The following RNF123 variants were observed in gnomAD, a reference collection of about 807,000 sequenced individuals.
RNF123 encodes E3 ubiquitin-protein ligase RNF123.
In RNF123, 86 loss-of-function variants were observed where a neutral mutation model predicts 168.5. The observed-to-expected ratio is 0.51, with a 90% CI of 0.43 to 0.61. The LOEUF (loss-of-function observed/expected upper bound fraction) is 0.61. Among genes scored for constraint, RNF123 ranks in the 20% least tolerant of loss-of-function variants. The pLI, the probability that RNF123 is intolerant of heterozygous loss-of-function variation, is 0.00. For synonymous variants in RNF123, 666 were observed against 689.1 expected (o/e 0.97, Z 0.52); for missense variants, 1,419 against 1,729.7 (o/e 0.82, Z 3.19).
intron 35 of RNF123, chr3:49,718,214 GGCGGCAGCGGCAGGCACGGCGGCAGCA>G: frequency 6.2e-7 from 1 of 1,610,754 alleles, no homozygotes. Flanking sequence ...TGGGGCCAGC[GGCGGCAGCGGCAGGCACGGCGGCAGCA>G]GCGGCAGGGT....
intron 31 of RNF123, among the ~76,000 whole-genome samples, chr3:49,715,326 G>A (rs1044801916): frequency 2.0e-5 from 3 of 152,258 alleles, no homozygotes; most frequent in African/African-American, 7.2e-5. Context: ...TGGACCTGGA[G>A]TGGATGGTGT....
In RNF123 at chr3:49,698,588, C is replaced by T; in HGVS notation, c.570+62C>T. On this transcript the variant is annotated intron_variant, in intron 8 of 38. Coordinates refer to ENST00000327697, the MANE Select transcript of RNF123 (RefSeq NM_022064.5). ...ACTGTTACTACAGCTTATTTGGAGC[C>T]ACTGGGCAGCCATAAGGGACTACAG... 2.5e-6 allele frequency: 4 copies of T among 1,585,444 alleles called. No homozygotes were observed. In the South Asian group the frequency reaches 3.3e-5, roughly 13 times the overall value.
chr3:49,698,349 A>C (rs2054309603), intron 7 of RNF123, 91 bp from the exon 8 acceptor site: 1 of 1,113,468 alleles, frequency 9.0e-7, no homozygotes, highest in African/African-American at 1.5e-5. Context: ...TCCCTTCTGT[A>C]GAGCCATATG....
chr3:49,705,202 A>G lies in RNF123; in HGVS notation c.2158+20A>G, dbSNP rs763856087. ...AGGACAGTAGGTGCTTGGTGGGGTC[A>G]GGCAGGTCCCCGAAGGACCCTTCCA... On this transcript the variant is annotated intron_variant, in intron 23 of 38. Transcript: ENST00000327697. 6.3e-7 allele frequency: 1 copy of G among 1,584,890 alleles called. No individual in the cohort carries two copies. The highest frequency in any genetic ancestry group is 1.8e-5 in the Admixed American group (1 of 55,686).
intron 18 of RNF123, 39 bp from the exon 19 acceptor site, chr3:49,702,295 T>TCTCAG (rs1171446306): frequency 1.2e-6 from 2 of 1,609,884 alleles, no homozygotes; most frequent in Admixed American, 3.3e-5. Context: ...GGGCCTGCAT[T>TCTCAG]CTCAGCTCAG....
chr3:49,720,063 C>G (rs1559693446), intron 35 of RNF123: 1 of 159,936 alleles, frequency 6.3e-6, no homozygotes, highest in Non-Finnish European at 1.4e-5. Context: ...CGCCTGTAAT[C>G]CCAGCACTTT....
intron 21 of RNF123, 83 bp downstream of exon 21, chr3:49,703,611 G>A (rs2054453994): frequency 1.8e-6 from 2 of 1,137,098 alleles, no homozygotes; most frequent in Non-Finnish European, 2.5e-6. Flanking sequence ...TGGATGCTGA[G>A]CCATCCTATG....
Position 49,704,674 on chromosome 3 carries a change from T to C in RNF123, c.1877T>C (p.Ile626Thr), listed in dbSNP as rs34154145. 64 of 1,609,934 alleles carry C rather than the reference T, an allele frequency of 4.0e-5. No homozygotes were observed. In the South Asian group the frequency reaches 5.9e-4, roughly 15 times the overall value. ...GATGACCTTGCTTCCAAAGCCAACA[T>C]TGTGATCGACCCACTGGAGCTCCAG... ...LKDDLASKAN[I>T]VIDPLELQST... The change falls in exon 22 of 39, where the codon ATT becomes ACT. Residue 626 changes from isoleucine to threonine, a missense_variant. Ile to Thr is a moderately conservative substitution (Grantham distance 89, BLOSUM62 -1). Around this residue, in one of 5 missense-constraint regions of RNF123, gnomAD observed 538 missense variants for 708.8 expected, o/e 0.76. Coordinates refer to ENST00000327697, the MANE Select transcript of RNF123 (RefSeq NM_022064.5).
rs112475134 is a variant in RNF123 at position 49,703,506 on chromosome 3, G to C, written c.1830G>C (p.Ser610=). Residue 610 remains serine (S), a synonymous_variant, in exon 21 of 39, where the codon TCG becomes TCC. Coordinates refer to ENST00000327697, the MANE Select transcript of RNF123 (RefSeq NM_022064.5). ...TGCAGCGCCTGGGGGGCCTCCTCTC[G>C]CACCTGCGGAAGACCCTCAAAGGTG... ...FDLQRLGGLL[S]HLRKTLKDDL... 6.2e-7 allele frequency: 1 copy of C among 1,614,044 alleles called. No individual in the cohort carries two copies. The highest frequency in any genetic ancestry group is 1.1e-5 in the South Asian group (1 of 91,068).
intron 34 of RNF123, 98 bp downstream of exon 34, chr3:49,716,275 C>A: frequency 1.3e-6 from 2 of 1,554,140 alleles, no homozygotes; most frequent in Non-Finnish European, 1.8e-6. Context: ...CCCGGACAGC[C>A]AGACTTGGTG....
At chr3:49,703,018 C>G (rs1042886276) in intron 20 of RNF123, among the ~76,000 whole-genome samples, 1 of 152,188 alleles carries the variant, frequency 6.6e-6, no homozygotes, top group Non-Finnish European at 1.5e-5. Context: ...CCGTCCTTGC[C>G]CCCCCATTTC....
chr3:49,719,315 C>G lies in RNF123; in HGVS notation c.3501-1196C>G, dbSNP rs1204371515. The G allele has an allele frequency of 7.4e-6, 12 of 1,613,274 alleles. No individual in the cohort carries two copies. The highest frequency in any genetic ancestry group is 9.3e-6 in the Non-Finnish European group (11 of 1,180,012). ...AACTCGGCTGGCACGTCCTGCAGCC[C>G]TAGGCCAGTGCAGCTTAGCAGGTCG... On this transcript the variant is annotated intron_variant, in intron 35 of 38. Coordinates refer to ENST00000327697, the MANE Select transcript of RNF123 (RefSeq NM_022064.5).
At position 49,715,990 on chromosome 3, in the gene RNF123, C is replaced by T; in HGVS notation, c.3319C>T (p.Leu1107=). Residue 1107 remains leucine (L), a synonymous_variant, in exon 33 of 39, where the codon CTG becomes TTG. Coordinates refer to ENST00000327697, the MANE Select transcript of RNF123 (RefSeq NM_022064.5). ...CTGGACCCGGCCTACCTCTGAGATG[C>T]TGCTGCGGCGTCTTGCACAGGTGTG... ...LDWTRPTSEM[L]LRRLAQLLNQ... The T allele has an allele frequency of 1.9e-6, 3 of 1,613,978 alleles. No individual in the cohort carries two copies. Among genetic ancestry groups the T allele is most frequent in the Non-Finnish European group, 2.5e-6 (3 of 1,180,028 alleles).
chr3:49,705,498 G>T, intron 23 of RNF123, 36 bp from the exon 24 acceptor site: 1 of 1,552,012 alleles, frequency 6.4e-7, no homozygotes, highest in South Asian at 1.2e-5. Context: ...AGCCGGGATG[G>T]CCCTACCCTT....
Position 49,706,914 on chromosome 3 carries a change from A to C in RNF123, c.2496+16A>C, listed in dbSNP as rs1338006106. 9 of 1,608,706 alleles carry C rather than the reference A, an allele frequency of 5.6e-6. No individual in the cohort carries two copies. Among genetic ancestry groups the C allele is most frequent in the Non-Finnish European group, 7.7e-6 (9 of 1,175,240 alleles). The stretch of plus-strand genomic sequence containing the variant: ...CTACTCCCAGGTGTGCTGGTATTGC[A>C]GCTGCCCCTTCCCGACCTCACTGTC... On this transcript the variant is annotated intron_variant, in intron 26 of 38. Coordinates refer to ENST00000327697, the MANE Select transcript of RNF123 (RefSeq NM_022064.5).
chr3:49,696,866 G>A (rs573600022), intron 3 of RNF123, among the ~76,000 whole-genome samples: 75 of 150,496 alleles, frequency 5.0e-4, no homozygotes, highest in African/African-American at 1.8e-3. Flanking sequence ...GGCTGGTCTC[G>A]AACTCCTGAC....
intron 31 of RNF123, 79 bp from the exon 32 acceptor site, chr3:49,715,496 A>G: frequency 6.4e-7 from 1 of 1,555,472 alleles, no homozygotes; most frequent in Non-Finnish European, 8.8e-7. Context: ...CCAAAGCCTC[A>G]ATGGGCGAGG....
At chr3:49,718,755 C>A in intron 35 of RNF123, 1 of 1,613,234 alleles carries the variant, frequency 6.2e-7, no homozygotes. Flanking sequence ...CGCTCAGGCC[C>A]CGCTGGTGCC....
At chr3:49,718,598 C>G (rs373689365) in intron 35 of RNF123, 1 of 1,613,024 alleles carries the variant, frequency 6.2e-7, no homozygotes, top group East Asian at 2.2e-5. Context: ...CCCACCAGCG[C>G]GTACAGGTGC....
Sources: allele counts gnomAD v4.1 joint callset (sites outside exome capture counted in the v4.1 genomes callset), GRCh38; gene constraint gnomAD v4.1.1; regional missense constraint gnomAD v4.1.1; transcripts MANE v1.5; gene names NCBI Gene and HGNC (gene_info 2026-07-23, HGNC 2026-07-21).